Variants in SLC30A7 observed in about 807,000 individuals in gnomAD.
The protein encoded by SLC30A7 is zinc transporter 7.
Under a neutral mutation model 46.0 loss-of-function variants are expected in SLC30A7, and 35 were observed. The ratio of observed to expected loss-of-function variants is 0.76; its 90% CI spans 0.58 to 1.01. The LOEUF is 1.01. Among genes scored for constraint, SLC30A7 ranks in the 50% least tolerant of loss-of-function variants. SLC30A7 has a pLI of 0.00. For synonymous variants in SLC30A7, 147 were observed against 157.8 expected, an observed-to-expected ratio of 0.93 and a Z score of 0.51; for missense variants, 464 against 451.1, an observed-to-expected ratio of 1.03 and a Z score of -0.26.
intron 6 of SLC30A7, 66 bp from the exon 7 acceptor site, chr1:100,918,011 C>T (rs1652692356): frequency 3.0e-6 from 4 of 1,318,776 alleles, no homozygotes; most frequent in Non-Finnish European, 4.3e-6. Flanking sequence ...ATGAAAAGGA[C>T]TCTGAATTGT....
intron 10 of SLC30A7, among the ~76,000 whole-genome samples, chr1:100,971,672 A>C (rs1442875905): frequency 6.6e-6 from 1 of 152,114 alleles, no homozygotes; most frequent in African/African-American, 2.4e-5. Flanking sequence ...ATTTACAGAC[A>C]AAAAAACCCA....
chr1:100,943,310 C>T (rs186813237), intron 8 of SLC30A7, among the ~76,000 whole-genome samples: 33 of 152,144 alleles, frequency 2.2e-4, no homozygotes, highest in Non-Finnish European at 4.0e-4. Flanking sequence ...TGTTTACTAG[C>T]GTATTATAAA....
chr1:100,901,151 T>G (rs756884567), intron 2 of SLC30A7, among the ~76,000 whole-genome samples: 2 of 152,188 alleles, frequency 1.3e-5, no homozygotes, highest in African/African-American at 2.4e-5. Context: ...CCATGAAAAT[T>G]AATGACTCAT....
In SLC30A7 at chr1:100,923,307, C is replaced by T. The variant is rs555268127; in HGVS notation, c.842+1466C>T. Reference sequence around the variant, plus strand: ...CTGGGATTACAGGCGTGAGCCACCGCGCCCAGCCTAGAATAGATTTAATAA... The same window carrying T: ...CTGGGATTACAGGCGTGAGCCACCGTGCCCAGCCTAGAATAGATTTAATAA... On this transcript the variant is annotated intron_variant, in intron 8 of 10. Transcript: ENST00000357650. Among the ~76,000 whole-genome samples, 5 of 105,984 alleles carry T rather than the reference C, an allele frequency of 4.7e-5. 1 individual carries two copies. The highest frequency in any genetic ancestry group is 1.8e-4 in the African/African-American group (5 of 27,634). The allele number at this position is 105,984 out of a possible 152,430, so 69.5% of individuals were successfully genotyped here.
At chr1:100,945,462 T>A (rs1654580037) in intron 8 of SLC30A7, among the ~76,000 whole-genome samples, 1 of 152,228 alleles carries the variant, frequency 6.6e-6, no homozygotes, top group African/African-American at 2.4e-5. Context: ...TTAATTTTTG[T>A]ATAAGGTGTA....
intron 10 of SLC30A7, among the ~76,000 whole-genome samples, chr1:100,966,565 G>A (rs757176009): frequency 2.0e-5 from 3 of 151,724 alleles, no homozygotes; most frequent in Non-Finnish European, 4.4e-5. Context: ...CAGCCTGGGC[G>A]ACAGAGCAAG....
rs116721487 is a variant in SLC30A7, at chr1:100,939,422, G to A, written c.842+17581G>A. Among the ~76,000 whole-genome samples, 418 of 152,278 alleles carry A rather than the reference G, an allele frequency of 2.7e-3. 7 individuals carry two copies. The highest frequency in any genetic ancestry group is 9.8e-3 in the African/African-American group (407 of 41,564). On this transcript the variant is annotated intron_variant, in intron 8 of 10. Coordinates refer to ENST00000357650, the MANE Select transcript of SLC30A7 (RefSeq NM_133496.5). ...TAATTAAAGAGAAGACACCTCTTCA[G>A]TAGCAACAACAAAGATAACGTAGAG... is the stretch of plus-strand genomic sequence containing the variant.
At chr1:100,901,602 G>A (rs900023591) in intron 2 of SLC30A7, among the ~76,000 whole-genome samples, 12 of 151,908 alleles carry the variant, frequency 7.9e-5, no homozygotes, top group Non-Finnish European at 2.9e-5. Flanking sequence ...GTACAGCCAC[G>A]CCTGGCTAAT....
chr1:100,988,535 C>T, the SLC30A7 span, among the ~76,000 whole-genome samples: 1 of 152,108 alleles, frequency 6.6e-6, no homozygotes, highest in Non-Finnish European at 1.5e-5. Flanking sequence ...TGGCTCTCTC[C>T]CCTTCTGTGT....
the SLC30A7 span, among the ~76,000 whole-genome samples, chr1:100,991,788 C>CAAAAAAAAAAAAAAAAAAAAAAAAA: frequency 9.9e-6 from 1 of 101,066 alleles, no homozygotes; most frequent in Non-Finnish European, 2.0e-5. Context: ...GACCCCATCT[C>CAAAAAAAAAAAAAAAAAAAAAAAAA]AAAAAAAAAA....
the SLC30A7 span, among the ~76,000 whole-genome samples, chr1:100,987,543 C>A: frequency 2.6e-5 from 4 of 151,978 alleles, no homozygotes; most frequent in African/African-American, 7.3e-5. Context: ...TATCTATATT[C>A]ATTCATTACA....
chr1:100,933,100 C>T (rs1032556651), intron 8 of SLC30A7, among the ~76,000 whole-genome samples: 4 of 151,808 alleles, frequency 2.6e-5, no homozygotes, highest in African/African-American at 4.8e-5. Flanking sequence ...CTCAGCCTCC[C>T]GAGTAGCTGG....
intron 2 of SLC30A7, among the ~76,000 whole-genome samples, chr1:100,897,996 T>G (rs1292836752): frequency 6.6e-6 from 1 of 152,152 alleles, no homozygotes; most frequent in Non-Finnish European, 1.5e-5. Context: ...ATATATAATA[T>G]TTACAGTATA....
chr1:100,943,678 G>A (rs1432556821), intron 8 of SLC30A7, among the ~76,000 whole-genome samples: 1 of 152,170 alleles, frequency 6.6e-6, no homozygotes, highest in East Asian at 1.9e-4. Flanking sequence ...AGGATTTTAA[G>A]AGCTGTATAT....
intron 9 of SLC30A7, 34 bp downstream of exon 9, chr1:100,961,952 AT>A: frequency 1.5e-6 from 2 of 1,342,298 alleles, no homozygotes; most frequent in Non-Finnish European, 2.1e-6. Flanking sequence ...ATTGGATTTT[AT>A]GCTGTTTTCA....
chr1:100,929,093 AGT>A (rs71084856), intron 8 of SLC30A7, among the ~76,000 whole-genome samples: 82 of 148,964 alleles, frequency 5.5e-4, no homozygotes, highest in African/African-American at 9.1e-4. Flanking sequence ...ATATATAGAG[AGT>A]GTGTGTGTGT....
At chr1:100,925,076 C>A (rs2101037375) in intron 8 of SLC30A7, among the ~76,000 whole-genome samples, 1 of 152,326 alleles carries the variant, frequency 6.6e-6, no homozygotes, top group South Asian at 2.1e-4. Context: ...ATGATAGTGA[C>A]TGAGTTGCCA....
intron 8 of SLC30A7, among the ~76,000 whole-genome samples, chr1:100,950,787 AT>A (rs1437784685): frequency 1.3e-5 from 2 of 152,118 alleles, no homozygotes; most frequent in East Asian, 3.9e-4. Flanking sequence ...ATGAAATCCT[AT>A]TTTAGTTTGG....
intron 8 of SLC30A7, among the ~76,000 whole-genome samples, chr1:100,944,276 G>T (rs945981263): frequency 2.6e-5 from 4 of 152,140 alleles, no homozygotes; most frequent in Non-Finnish European, 5.9e-5. Context: ...CTGGACTCAA[G>T]AAATCCACCC....
Sources: allele counts gnomAD v4.1 joint callset (sites outside exome capture counted in the v4.1 genomes callset), GRCh38; gene constraint gnomAD v4.1.1; transcripts MANE v1.5; gene names NCBI Gene and HGNC (gene_info 2026-07-23, HGNC 2026-07-21).